The following CAPN14 variants were observed in gnomAD, a reference collection of about 807,000 sequenced individuals.
CAPN14 encodes calpain-14.
CAPN14 carries 94 observed loss-of-function variants against 101.3 expected under a neutral mutation model. The observed-to-expected ratio is 0.93, with a 90% CI of 0.79 to 1.10. The LOEUF (loss-of-function observed/expected upper bound fraction) is 1.10, where lower values mean the gene tolerates loss of function less well. Among genes scored for constraint, CAPN14 ranks in the 50% least tolerant of loss-of-function variants. CAPN14 has a pLI of 0.00. For synonymous variants in CAPN14, 338 were observed against 317.9 expected (o/e 1.06, Z -0.67); for missense variants, 837 against 828.4 (o/e 1.01, Z -0.13).
chr2:31,194,315 A>C, intron 9 of CAPN14, 94 bp downstream of exon 9: 1 of 867,766 alleles, frequency 1.2e-6, no homozygotes, highest in South Asian at 1.4e-5. Flanking sequence ...CTGTACATGA[A>C]GTTCCTGGCA....
intron 13 of CAPN14, among the ~76,000 whole-genome samples, chr2:31,188,600 G>C (rs1202946257): frequency 6.6e-6 from 1 of 152,192 alleles, no homozygotes; most frequent in Non-Finnish European, 1.5e-5. Flanking sequence ...ATGAGACTTA[G>C]TGGTCTGACG....
Position 31,173,956 on chromosome 2 carries a change from G to C in CAPN14, c.*725C>G, listed in dbSNP as rs1344503655. ...GGACAGATTTGAAATGGATCTGATAGTCTATATATCAAGCAAATAGACACA... is the reference window on the plus strand; with the variant it reads ...GGACAGATTTGAAATGGATCTGATACTCTATATATCAAGCAAATAGACACA... On this transcript the variant is annotated 3_prime_UTR_variant, in exon 22 of 22. Coordinates refer to ENST00000403897, the MANE Select transcript of CAPN14 (RefSeq NM_001145122.2). 1 of 152,244 alleles carries C rather than the reference G, an allele frequency of 6.6e-6. No individual in the cohort carries two copies. Among genetic ancestry groups the C allele is most frequent in the African/African-American group, 2.4e-5 (1 of 41,452 alleles). The allele number at this position is 152,244 out of a possible 1,614,324, so 9.4% of individuals were successfully genotyped here.
intron 7 of CAPN14, 103 bp downstream of exon 7, chr2:31,199,367 C>A: frequency 1.0e-6 from 1 of 991,206 alleles, no homozygotes; most frequent in South Asian, 1.4e-5. Context: ...AGACTTTACC[C>A]ACTCTCCAGA....
chr2:31,176,808 C>G (rs143776871), intron 20 of CAPN14, among the ~76,000 whole-genome samples, 166 bp from the exon 21 acceptor site: 83 of 152,344 alleles, frequency 5.4e-4, no homozygotes, highest in African/African-American at 1.9e-3. Context: ...GATAAGTGAG[C>G]CACTTCAAGC....
At chr2:31,196,774 G>C (rs541090764) in intron 8 of CAPN14, among the ~76,000 whole-genome samples, 29 of 152,272 alleles carry the variant, frequency 1.9e-4, no homozygotes, top group African/African-American at 5.3e-4. Context: ...TATGTAATCA[G>C]AGTGTAGAGT....
At chr2:31,176,466 T>A (rs1680292638) in intron 21 of CAPN14, 121 bp downstream of exon 21, 1 of 719,396 alleles carries the variant, frequency 1.4e-6, no homozygotes, top group Admixed American at 2.6e-5. Context: ...AATGTAGTGC[T>A]CAATTTCCAA....
In CAPN14 at chr2:31,183,435, C is replaced by T. The variant is rs367900105; in HGVS notation, c.1646-2435G>A. On this transcript the variant is annotated intron_variant, in intron 16 of 21. Coordinates refer to ENST00000403897, the MANE Select transcript of CAPN14 (RefSeq NM_001145122.2). ...TGGGAGAAAATTTTCGCAACCTACT[C>T]ATCTGACAAAGGGCTAATATCCAGA... Among the ~76,000 whole-genome samples the T allele has an allele frequency of 5.5e-3, 841 of 152,212 alleles. 9 individuals carry two copies. The highest frequency in any genetic ancestry group is 0.019 in the African/African-American group (795 of 41,526).
At chr2:31,207,633 G>C (rs1682168699) in intron 1 of CAPN14, among the ~76,000 whole-genome samples, 1 of 152,096 alleles carries the variant, frequency 6.6e-6, no homozygotes, top group Non-Finnish European at 1.5e-5. Context: ...TAGGCATGGT[G>C]ATGTATGACT....
Position 31,178,568 on chromosome 2 carries a change from T to C in CAPN14, c.1722A>G (p.Ser574=). 1.3e-6 allele frequency: 2 copies of C among 1,543,266 alleles called. No homozygotes were observed. The highest frequency in any genetic ancestry group is 1.7e-6 in the Non-Finnish European group (2 of 1,143,600). The change falls in exon 18 of 22, where the codon TCA becomes TCG. Residue 574 remains serine (S), a synonymous_variant. Transcript: ENST00000403897. ...TGAATTCCTGGATGCTCATAGTACC[T>C]GATGCATTAAGCTGATTAATAGGTT... is the stretch of plus-strand genomic sequence containing the variant. ...GILALLDLNA[S]GTMSIQEFRD... is the part of the protein sequence containing the mutation.
chr2:31,214,068 T>A (rs150085383), intron 1 of CAPN14, among the ~76,000 whole-genome samples: 4 of 152,284 alleles, frequency 2.6e-5, no homozygotes, highest in Admixed American at 6.5e-5. Flanking sequence ...CAACTATGAG[T>A]TCTTGAAGGC....
chr2:31,219,267 T>C (rs1682788967), upstream of CAPN14, among the ~76,000 whole-genome samples: 3 of 151,776 alleles, frequency 2.0e-5, no homozygotes, highest in South Asian at 6.2e-4. Context: ...GTTATTGTCC[T>C]GGGTGACAGG....
rs529912344 is a variant in CAPN14 at position 31,206,449 on chromosome 2, C to T, written c.-52-950G>A. 1.4e-3 allele frequency among the ~76,000 whole-genome samples: 208 copies of T among 152,296 alleles called. 3 individuals carry two copies. Among genetic ancestry groups the T allele is most frequent in the African/African-American group, 4.4e-3 (184 of 41,568 alleles). ...TGTATTTTTAGCAGAGATGGGGTTT[C>T]GCCATGTTGGCCAGGCTGGTCTCGA... On this transcript the variant is annotated intron_variant, in intron 1 of 21. Transcript: ENST00000403897.
intron 2 of CAPN14, among the ~76,000 whole-genome samples, chr2:31,222,560 A>G (rs930272119): frequency 2.0e-5 from 3 of 152,210 alleles, no homozygotes; most frequent in African/African-American, 7.2e-5. Flanking sequence ...GAAAAATTCA[A>G]TTGTTTGTTT....
intron 1 of CAPN14, among the ~76,000 whole-genome samples, chr2:31,206,002 C>T (rs1682056683): frequency 1.3e-5 from 2 of 151,716 alleles, no homozygotes; most frequent in Non-Finnish European, 2.9e-5. Flanking sequence ...CCTGCAAAAC[C>T]TCCTCCTACA....
intron 1 of CAPN14, among the ~76,000 whole-genome samples, chr2:31,206,376 C>T (rs564695969): frequency 3.3e-5 from 5 of 152,272 alleles, no homozygotes; most frequent in South Asian, 2.1e-4. Flanking sequence ...GTGGGCGAGC[C>T]GGCAGTGCAT....
At chr2:31,184,835 C>G (rs1427009332) in intron 16 of CAPN14, among the ~76,000 whole-genome samples, 1 of 152,174 alleles carries the variant, frequency 6.6e-6, no homozygotes, top group Non-Finnish European at 1.5e-5. Context: ...TTAAATGCAG[C>G]CTGAATTTGT....
chr2:31,220,607 G>A (rs755108569), upstream of CAPN14, among the ~76,000 whole-genome samples: 7 of 152,138 alleles, frequency 4.6e-5, no homozygotes, highest in Admixed American at 1.3e-4. Flanking sequence ...GGCGGATCAC[G>A]AGGTCAGGAG....
upstream of CAPN14, among the ~76,000 whole-genome samples, chr2:31,220,176 T>TG (rs1318123164): frequency 6.6e-6 from 1 of 152,168 alleles, no homozygotes; most frequent in Non-Finnish European, 1.5e-5. Context: ...TGTTGGAATT[T>TG]GGGGCACTGA....
chr2:31,199,172 G>A (rs1032327356), intron 7 of CAPN14, among the ~76,000 whole-genome samples: 1 of 152,196 alleles, frequency 6.6e-6, no homozygotes, highest in Non-Finnish European at 1.5e-5. Context: ...AGATGAAATG[G>A]TTGTTCTTGG....
Sources: gnomAD v4.1 joint callset for allele counts (sites outside exome capture counted in the v4.1 genomes callset) on GRCh38, gnomAD v4.1.1 for gene constraint, MANE v1.5 for transcripts, NCBI Gene and HGNC (gene_info 2026-07-23, HGNC 2026-07-21) for gene names.